The following OTUD7A variants were observed in gnomAD, a reference collection of about 807,000 sequenced individuals.
OTUD7A encodes OTU domain-containing protein 7A.
Under a neutral mutation model 65.7 loss-of-function variants are expected in OTUD7A, and 12 were observed. The observed-to-expected ratio is 0.18, with a 90% CI of 0.12 to 0.30. The LOEUF is 0.30. OTUD7A is among the 10% of genes least tolerant of loss of function. The pLI, the probability that OTUD7A is intolerant of heterozygous loss-of-function variation, is 1.00. For missense variants in OTUD7A, 1,148 were observed against 1,304.8 expected, an observed-to-expected ratio of 0.88 and a Z score of 1.85; for synonymous variants, 641 against 586.3, an observed-to-expected ratio of 1.09 and a Z score of -1.35.
chr15:31,698,062 T>C (rs1893125169), intron 1 of OTUD7A, among the ~76,000 whole-genome samples: 1 of 152,180 alleles, frequency 6.6e-6, no homozygotes, highest in African/African-American at 2.4e-5. Flanking sequence ...ACACACATTC[T>C]TTCCTAACCC....
intron 5 of OTUD7A, among the ~76,000 whole-genome samples, chr15:31,545,627 A>G (rs1220083059): frequency 6.6e-6 from 1 of 152,146 alleles, no homozygotes; most frequent in Non-Finnish European, 1.5e-5. Flanking sequence ...AGGATATGCA[A>G]ATGGCCAATA....
intron 1 of OTUD7A, among the ~76,000 whole-genome samples, chr15:31,814,815 G>C (rs1277577029): frequency 1.3e-5 from 2 of 152,000 alleles, no homozygotes; most frequent in African/African-American, 2.4e-5. Flanking sequence ...TGAGCCACTG[G>C]GCCCAGCCTA....
chr15:31,749,753 T>TA (rs1031668562), intron 1 of OTUD7A, among the ~76,000 whole-genome samples: 1 of 151,428 alleles, frequency 6.6e-6, no homozygotes, highest in Admixed American at 6.6e-5. Flanking sequence ...TTTTTTTTTT[T>TA]AAAAAAAGGA....
At chr15:31,610,617 A>ATATATATATTTTTTTT in intron 3 of OTUD7A, among the ~76,000 whole-genome samples, 4 of 30,560 alleles carry the variant, frequency 1.3e-4, no homozygotes, top group African/African-American at 3.4e-4. Flanking sequence ...ATATATATAT[A>ATATATATATTTTTTTT]TTTTTTTTTT....
At position 31,766,018 on chromosome 15, in the gene OTUD7A, C is replaced by T. The variant is rs545332843; in HGVS notation, c.-100+104489G>A. On this transcript the variant is annotated intron_variant, in intron 1 of 12. Transcript: ENST00000307050. ...AACTCCTGAGCACTAATCTGCTTACCGTATGAGTAAGTTGGCAAAGGAGCA... is the reference window on the plus strand; with the variant it reads ...AACTCCTGAGCACTAATCTGCTTACTGTATGAGTAAGTTGGCAAAGGAGCA... 683 of 1,554,984 alleles carry T rather than the reference C, an allele frequency of 4.4e-4. 12 individuals are homozygous for T. In the South Asian group the frequency reaches 7.1e-3, roughly 16 times the overall value.
chr15:31,748,137 A>G (rs528081464), intron 1 of OTUD7A, among the ~76,000 whole-genome samples: 12 of 152,300 alleles, frequency 7.9e-5, no homozygotes, highest in African/African-American at 2.9e-4. Context: ...AATTGATAAA[A>G]TTGAATATGG....
intron 3 of OTUD7A, among the ~76,000 whole-genome samples, chr15:31,635,935 G>C (rs371303650): frequency 2.0e-5 from 3 of 152,252 alleles, no homozygotes; most frequent in Admixed American, 2.0e-4. Flanking sequence ...TGAAAACAGG[G>C]GGCGTGGCAG....
At chr15:31,765,767 T>C (rs1895079377) in intron 1 of OTUD7A, 4 of 1,328,820 alleles carry the variant, frequency 3.0e-6, no homozygotes, top group East Asian at 2.3e-5. Flanking sequence ...TACAGAACTT[T>C]GGTTTTCTTA....
At chr15:31,638,820 C>T (rs1350298221) in intron 3 of OTUD7A, among the ~76,000 whole-genome samples, 2 of 152,026 alleles carry the variant, frequency 1.3e-5, no homozygotes, top group East Asian at 3.9e-4. Context: ...TGCAAGATAC[C>T]ATACATATAT....
At chr15:31,808,107 A>ACG (rs1206889475) in intron 1 of OTUD7A, among the ~76,000 whole-genome samples, 23 of 103,234 alleles carry the variant, frequency 2.2e-4, no homozygotes, top group African/African-American at 6.6e-4. Context: ...AAACACACAC[A>ACG]CACACACACA....
intron 1 of OTUD7A, among the ~76,000 whole-genome samples, chr15:31,829,966 GC>G (rs1334851017): frequency 1.3e-5 from 2 of 152,104 alleles, no homozygotes; most frequent in African/African-American, 4.8e-5. Flanking sequence ...TCTTTCTCAT[GC>G]CCACCTGTTC....
At chr15:31,867,310 A>G (rs1195235661) in intron 1 of OTUD7A, among the ~76,000 whole-genome samples, 1 of 152,206 alleles carries the variant, frequency 6.6e-6, no homozygotes, top group Admixed American at 6.5e-5. Context: ...CATCAGAGAA[A>G]TTTTGAGGCC....
intron 1 of OTUD7A, among the ~76,000 whole-genome samples, chr15:31,789,153 G>A (rs1595769672): frequency 6.6e-6 from 1 of 152,140 alleles, no homozygotes; most frequent in South Asian, 2.1e-4. Context: ...AATAGACACA[G>A]AATGTCTTCT....
intron 1 of OTUD7A, among the ~76,000 whole-genome samples, chr15:31,786,898 T>G (rs1895688724): frequency 6.6e-6 from 1 of 152,102 alleles, no homozygotes; most frequent in African/African-American, 2.4e-5. Flanking sequence ...ATGAAATGTG[T>G]GTGAGGCCTG....
In OTUD7A at chr15:31,856,372, T is replaced by C. The variant is rs148488695; in HGVS notation, c.-100+14135A>G. ...CCATTTTACTGTTTTGCTGAACTTA[T>C]TCTTTTAACCTGTGCAAATATTAGA... On this transcript the variant is annotated intron_variant, in intron 1 of 12. Transcript: ENST00000307050. Among the ~76,000 whole-genome samples the C allele has an allele frequency of 1.8e-4, 27 of 152,328 alleles. No homozygotes were observed. The East Asian group carries it at 4.8e-3, about 27-fold the overall frequency.
At chr15:31,602,984 G>A (rs913016473) in intron 3 of OTUD7A, among the ~76,000 whole-genome samples, 1 of 152,162 alleles carries the variant, frequency 6.6e-6, no homozygotes, top group Non-Finnish European at 1.5e-5. Flanking sequence ...TCATGGATAG[G>A]AAGAAACAAT....
At chr15:31,787,342 G>T (rs550814965) in intron 1 of OTUD7A, among the ~76,000 whole-genome samples, 3 of 152,074 alleles carry the variant, frequency 2.0e-5, no homozygotes, top group African/African-American at 7.2e-5. Flanking sequence ...TTTCTAATAC[G>T]AATTATAAAT....
intron 3 of OTUD7A, among the ~76,000 whole-genome samples, chr15:31,592,925 A>G (rs1262462346): frequency 6.2e-5 from 6 of 96,230 alleles, no homozygotes; most frequent in Admixed American, 1.1e-4. Context: ...ATATATATAT[A>G]TATATATATA....
At chr15:31,667,975 A>ATCCC (rs1892367894) in intron 1 of OTUD7A, among the ~76,000 whole-genome samples, 1 of 152,184 alleles carries the variant, frequency 6.6e-6, no homozygotes, top group Non-Finnish European at 1.5e-5. Flanking sequence ...TAGGGCCCCA[A>ATCCC]TCCCTTCTAG....
Sources: allele counts gnomAD v4.1 joint callset (sites outside exome capture counted in the v4.1 genomes callset), GRCh38; gene constraint gnomAD v4.1.1; transcripts MANE v1.5; gene names NCBI Gene and HGNC (gene_info 2026-07-23, HGNC 2026-07-21).